Variants in DAB1 observed in about 807,000 individuals in gnomAD.
The protein encoded by DAB1 is disabled homolog 1.
In DAB1, 15 loss-of-function variants were observed where a neutral mutation model predicts 64.6. That is an observed-to-expected ratio of 0.23 (90% confidence interval 0.16 to 0.36). DAB1 has a LOEUF of 0.36. Ranked by LOEUF, DAB1 falls within the 10% of genes least tolerant of loss-of-function variation. The pLI is 1.00. For synonymous variants in DAB1, 235 were observed against 251.9 expected, an observed-to-expected ratio of 0.93 and a Z score of 0.64; for missense variants, 596 against 706.7, an observed-to-expected ratio of 0.84 and a Z score of 1.78.
intron 6 of DAB1, among the ~76,000 whole-genome samples, chr1:57,776,126 T>A (rs1167926673): frequency 6.6e-6 from 1 of 151,766 alleles, no homozygotes; most frequent in Non-Finnish European, 1.5e-5. Context: ...AGACAGCATA[T>A]AAAGGTTGAG....
At chr1:57,510,057 C>A (rs1257808207) in intron 7 of DAB1, among the ~76,000 whole-genome samples, 1 of 152,158 alleles carries the variant, frequency 6.6e-6, no homozygotes, top group African/African-American at 2.4e-5. Flanking sequence ...CATTCATATA[C>A]CCACCTTCAT....
chr1:57,936,794 C>A (rs1300642735), intron 5 of DAB1, among the ~76,000 whole-genome samples: 2 of 152,120 alleles, frequency 1.3e-5, no homozygotes, highest in Non-Finnish European at 2.9e-5. Flanking sequence ...TTTCCAATCA[C>A]TCTTATAATT....
chr1:57,062,090 T>A (rs1050760419), intron 9 of DAB1, among the ~76,000 whole-genome samples: 1 of 152,050 alleles, frequency 6.6e-6, no homozygotes, highest in Non-Finnish European at 1.5e-5. Flanking sequence ...CAGTTGTAGG[T>A]CCTAAATATG....
At chr1:57,156,697 C>T (rs778421373) in intron 2 of DAB1, among the ~76,000 whole-genome samples, 1 of 152,136 alleles carries the variant, frequency 6.6e-6, no homozygotes, top group Non-Finnish European at 1.5e-5. Flanking sequence ...AAATAAACAT[C>T]ACACTCATAG....
chr1:57,140,080 C>T (rs1658459132), intron 3 of DAB1, among the ~76,000 whole-genome samples: 1 of 152,108 alleles, frequency 6.6e-6, no homozygotes, highest in Non-Finnish European at 1.5e-5. Flanking sequence ...CATCTCCCCA[C>T]AAGATTATTC....
intron 3 of DAB1, among the ~76,000 whole-genome samples, chr1:58,405,229 A>G (rs1224698624): frequency 6.6e-6 from 1 of 152,032 alleles, no homozygotes; most frequent in Non-Finnish European, 1.5e-5. Flanking sequence ...CTGGTTCCTC[A>G]TCATGGGGGC....
chr1:58,043,809 C>T (rs1441412576), intron 5 of DAB1, among the ~76,000 whole-genome samples: 2 of 152,110 alleles, frequency 1.3e-5, no homozygotes, highest in African/African-American at 4.8e-5. Context: ...CTTACTGCAA[C>T]CTCCACCTCC....
intron 4 of DAB1, among the ~76,000 whole-genome samples, chr1:58,154,773 G>C (rs1655131460): frequency 6.6e-6 from 1 of 152,068 alleles, no homozygotes; most frequent in Non-Finnish European, 1.5e-5. Context: ...GGAAAGCGTT[G>C]GTGGGGAAAA....
intron 2 of DAB1, among the ~76,000 whole-genome samples, chr1:57,269,503 A>T (rs1368107658): frequency 6.6e-6 from 1 of 152,114 alleles, no homozygotes; most frequent in African/African-American, 2.4e-5. Flanking sequence ...CCACTCACAG[A>T]ACAAATATGA....
chr1:57,951,328 A>ATATATATATATATATATATATATAT (rs1475860906), intron 5 of DAB1, among the ~76,000 whole-genome samples: 1 of 135,428 alleles, frequency 7.4e-6, no homozygotes. Context: ...ATATATATAT[A>ATATATATATATATATATATATATAT]TATACTTCCC....
chr1:57,810,293 C>T (rs574834150), intron 6 of DAB1, among the ~76,000 whole-genome samples: 1 of 152,244 alleles, frequency 6.6e-6, no homozygotes, highest in South Asian at 2.1e-4. Context: ...ATGAACTCTT[C>T]CTGGGAGACA....
intron 4 of DAB1, among the ~76,000 whole-genome samples, chr1:58,333,828 C>T (rs1663032410): frequency 1.3e-5 from 2 of 152,198 alleles, no homozygotes; most frequent in Non-Finnish European, 1.5e-5. Flanking sequence ...TCATTCACTG[C>T]TGGCAGAAAT....
chr1:58,428,548 A>G (rs1644841342), intron 3 of DAB1, among the ~76,000 whole-genome samples: 1 of 152,244 alleles, frequency 6.6e-6, no homozygotes, highest in Non-Finnish European at 1.5e-5. Flanking sequence ...AATTCAAACC[A>G]TACCACTGAC....
intron 7 of DAB1, among the ~76,000 whole-genome samples, chr1:57,537,672 CTCT>C (rs533186752): frequency 1.3e-3 from 200 of 152,292 alleles, no homozygotes; most frequent in African/African-American, 4.5e-3. Flanking sequence ...AGAGGTACTT[CTCT>C]TCTTCATTAG....
At chr1:57,073,838 A>G (rs1312690202) in intron 4 of DAB1, among the ~76,000 whole-genome samples, 1 of 152,234 alleles carries the variant, frequency 6.6e-6, no homozygotes, top group African/African-American at 2.4e-5. Context: ...ATAAGTCTAC[A>G]TATTTCTATG....
intron 1 of DAB1, among the ~76,000 whole-genome samples, chr1:57,295,446 C>CTT (rs1425082633): frequency 6.6e-6 from 1 of 152,116 alleles, no homozygotes; most frequent in Non-Finnish European, 1.5e-5. Flanking sequence ...ATATCTTAGA[C>CTT]TTAGCTTCAT....
intron 7 of DAB1, among the ~76,000 whole-genome samples, chr1:57,478,586 C>CTTTTTTTTTT (rs35538831): frequency 1.2e-5 from 1 of 81,216 alleles, no homozygotes; most frequent in Non-Finnish European, 2.3e-5. Flanking sequence ...TATTCCCATT[C>CTTTTTTTTTT]TTTTTTTTTT....
chr1:58,075,576 C>T (rs1649586309), intron 5 of DAB1, among the ~76,000 whole-genome samples: 1 of 152,204 alleles, frequency 6.6e-6, no homozygotes, highest in East Asian at 1.9e-4. Flanking sequence ...AGTATTAAAC[C>T]ATCTTGATTT....
intron 3 of DAB1, among the ~76,000 whole-genome samples, chr1:58,427,761 T>A (rs1416408542): frequency 6.6e-6 from 1 of 152,096 alleles, no homozygotes; most frequent in African/African-American, 2.4e-5. Flanking sequence ...TGCTTTATCT[T>A]AAAATGTTAG....
Sources: allele counts gnomAD v4.1 joint callset (sites outside exome capture counted in the v4.1 genomes callset), GRCh38; gene constraint gnomAD v4.1.1; transcripts MANE v1.5; gene names NCBI Gene and HGNC (gene_info 2026-07-23, HGNC 2026-07-21).